The following NXPE3 variants were observed in gnomAD, a reference collection of about 807,000 sequenced individuals.
NXPE3 encodes neurexophilin and PC-esterase domain family member 3.
NXPE3 carries 26 observed loss-of-function variants against 46.1 expected under a neutral mutation model. The ratio of observed to expected loss-of-function variants is 0.56; its 90% CI spans 0.41 to 0.78. The LOEUF is 0.78. NXPE3 is among the 30% of genes least tolerant of loss of function. The pLI, the probability that NXPE3 is intolerant of heterozygous loss-of-function variation, is 0.00. For synonymous variants in NXPE3, 272 were observed against 257.9 expected, an observed-to-expected ratio of 1.05 and a Z score of -0.52; for missense variants, 620 against 686.0, an observed-to-expected ratio of 0.90 and a Z score of 1.07.
At chr3:101,793,756 C>T (rs1278768268) in intron 4 of NXPE3, among the ~76,000 whole-genome samples, 1 of 150,528 alleles carries the variant, frequency 6.6e-6, no homozygotes, top group African/African-American at 2.4e-5. Context: ...CAGTAGTTCT[C>T]TCCCCAGCCT....
At chr3:101,819,658 T>C (rs1225384557) in intron 7 of NXPE3, among the ~76,000 whole-genome samples, 2 of 152,190 alleles carry the variant, frequency 1.3e-5, no homozygotes, top group Admixed American at 1.3e-4. Context: ...ATAAGTATAT[T>C]TATGGGGTAC....
chr3:101,824,289 A>C lies in NXPE3; in HGVS notation c.*2335A>C, dbSNP rs901417083. 1.3e-5 allele frequency: 2 copies of C among 152,212 alleles called. No homozygotes were observed. The highest frequency in any genetic ancestry group is 2.9e-5 in the Non-Finnish European group (2 of 68,050). The allele number at this position is 152,212 out of a possible 1,614,324, so 9.4% of individuals were successfully genotyped here. On this transcript the variant is annotated 3_prime_UTR_variant, in exon 8 of 8. Transcript: ENST00000273347. ...GTTTATTATTTTGGGGGATTTACCA[A>C]TAACTGGTTTAATTCTGTTCATGAT...
At chr3:101,817,089 CAG>C in intron 7 of NXPE3, 88 bp downstream of exon 7, 2 of 1,131,354 alleles carry the variant, frequency 1.8e-6, no homozygotes, top group Non-Finnish European at 2.7e-6. Context: ...GAAAGGTTAT[CAG>C]GTGAGGAAAC....
intron 4 of NXPE3, among the ~76,000 whole-genome samples, chr3:101,791,012 A>G (rs139015590): frequency 4.6e-5 from 7 of 152,328 alleles, no homozygotes; most frequent in African/African-American, 1.7e-4. Context: ...ACAGGAAAGC[A>G]TATGTCAGTG....
At chr3:101,784,891 C>T (rs938227712) in intron 3 of NXPE3, among the ~76,000 whole-genome samples, 1 of 152,144 alleles carries the variant, frequency 6.6e-6, no homozygotes. Context: ...AAGAGTGTGT[C>T]GCGTCTCCTG....
intron 4 of NXPE3, among the ~76,000 whole-genome samples, chr3:101,795,596 G>A (rs1940785862): frequency 6.6e-6 from 1 of 151,224 alleles, no homozygotes; most frequent in Admixed American, 6.6e-5. Flanking sequence ...AGGGAGAATT[G>A]CAGTCTTTTA....
At position 101,783,487 on chromosome 3, in the gene NXPE3, C is replaced by T. The variant is rs1158790887; in HGVS notation, c.-196+707C>T. The stretch of plus-strand genomic sequence containing the variant: ...CACAGAGTCAGGTCTTTTCCTGGCA[C>T]AATCCTCCTAAATTATTGTCAGTAG... On this transcript the variant is annotated intron_variant, in intron 3 of 7. Coordinates refer to ENST00000273347, the MANE Select transcript of NXPE3 (RefSeq NM_145037.4). 3.9e-5 allele frequency among the ~76,000 whole-genome samples: 6 copies of T among 152,212 alleles called. No individual in the cohort carries two copies. The East Asian group carries it at 1.2e-3, about 29-fold the overall frequency.
At chr3:101,790,113 TA>T (rs1245433719) in intron 4 of NXPE3, among the ~76,000 whole-genome samples, 2 of 152,228 alleles carry the variant, frequency 1.3e-5, no homozygotes, top group Non-Finnish European at 2.9e-5. Context: ...TGAATTCTTT[TA>T]AAACATTATT....
rs1560057823 is a variant in NXPE3, at chr3:101,808,850, T to TACATAC, written c.922+1725_922+1726insCATACA. ...ATATATATATATATATATATATATA[T>TACATAC]ATATATGAGACATTTATCTTTTATC... On this transcript the variant is annotated intron_variant, in intron 6 of 7. Transcript: ENST00000273347. Among the ~76,000 whole-genome samples, 14 of 132,452 alleles carry TACATAC rather than the reference T, an allele frequency of 1.1e-4. 1 individual carries two copies. The highest frequency in any genetic ancestry group is 4.0e-4 in the African/African-American group (14 of 35,038). The allele number at this position is 132,452 out of a possible 152,430, so 86.9% of individuals were successfully genotyped here.
chr3:101,821,738 G>C lies in NXPE3; in HGVS notation c.1464G>C (p.Glu488Asp). The change falls in exon 8 of 8, where the codon GAG becomes GAC. Residue 488 changes from glutamate (E) to aspartate (D), a missense_variant. Transcript: ENST00000273347. ...TCATCCGGACGGCCAACGCCCAAGA[G>C]CTGGGACCTGAGGTGAGCCTTTTCA... The part of the protein sequence containing the change: ...VVVIRTANAQ[E>D]LGPEVSLFNS... 6.2e-7 allele frequency: 1 copy of C among 1,614,234 alleles called. No homozygotes were observed.
rs527749630 is a variant in NXPE3 at position 101,810,832 on chromosome 3, T to G, written c.922+3706T>G. ...ATGAACTTTTTTTGTTGTTTTTTTT[T>G]GTTTGTTTGTTTTTGAGACAGAGTC... On this transcript the variant is annotated intron_variant, in intron 6 of 7. Coordinates refer to ENST00000273347, the MANE Select transcript of NXPE3 (RefSeq NM_145037.4). Among the ~76,000 whole-genome samples, 16 of 152,138 alleles carry G rather than the reference T, an allele frequency of 1.1e-4. 1 individual carries two copies. In the East Asian group the frequency reaches 1.9e-3, roughly 18 times the overall value.
In NXPE3 at chr3:101,785,634, G is replaced by A; in HGVS notation, c.38G>A (p.Cys13Tyr). The part of the protein sequence containing the change: ...TNFFKLRLFC[C>Y]LLAVLMVVVL... ...TTCTTCAAACTACGGCTTTTCTGCT[G>A]TCTGCTTGCAGTGTTGATGGTGGTG... is the stretch of plus-strand genomic sequence containing the variant. The change falls in exon 4 of 8, where the codon TGT (cysteine) becomes TAT (tyrosine). Residue 13 changes from cysteine (C) to tyrosine (Y), a missense_variant. Around this residue, in one of 3 missense-constraint regions of NXPE3, gnomAD observed 511 missense variants for 528.6 expected, o/e 0.97. Coordinates refer to ENST00000273347, the MANE Select transcript of NXPE3 (RefSeq NM_145037.4). The A allele has an allele frequency of 6.2e-7, 1 of 1,614,080 alleles. No individual in the cohort carries two copies. Among genetic ancestry groups the A allele is most frequent in the Non-Finnish European group, 8.5e-7 (1 of 1,179,984 alleles).
chr3:101,812,347 C>A (rs1183224388), intron 6 of NXPE3, among the ~76,000 whole-genome samples: 2 of 152,062 alleles, frequency 1.3e-5, no homozygotes, highest in African/African-American at 4.8e-5. Context: ...TCAAAGGGCC[C>A]ATGTTCTGCA....
At chr3:101,794,284 A>G (rs750737013) in intron 4 of NXPE3, among the ~76,000 whole-genome samples, 1 of 152,108 alleles carries the variant, frequency 6.6e-6, no homozygotes, top group African/African-American at 2.4e-5. Context: ...ATAACCTTTT[A>G]TAGGACAAGG....
rs12631513 is a variant in NXPE3 at position 101,798,632 on chromosome 3, A to T, written c.94-2603A>T. On this transcript the variant is annotated intron_variant, in intron 4 of 7. Coordinates refer to ENST00000273347, the MANE Select transcript of NXPE3 (RefSeq NM_145037.4). ...TTTTTTTTTTCTTTTAAAGTTTTTG[A>T]GACAAAGTCTTGTTCTGTTGTCCAG... 3.1e-4 allele frequency among the ~76,000 whole-genome samples: 44 copies of T among 143,620 alleles called. No homozygotes were observed. In the East Asian group the frequency reaches 8.2e-3, roughly 27 times the overall value. The allele number at this position is 143,620 out of a possible 152,430, so 94.2% of individuals were successfully genotyped here. A position where few individuals can be genotyped will look rare whatever the true frequency, so the allele number is the denominator to read the frequency against.
intron 4 of NXPE3, among the ~76,000 whole-genome samples, chr3:101,786,620 G>C (rs949632198): frequency 6.6e-6 from 1 of 152,174 alleles, no homozygotes; most frequent in Admixed American, 6.5e-5. Context: ...AGGCATAAAA[G>C]CTAAGTATTT....
intron 6 of NXPE3, among the ~76,000 whole-genome samples, chr3:101,810,113 GT>G (rs894422425): frequency 1.3e-5 from 2 of 152,228 alleles, no homozygotes; most frequent in African/African-American, 4.8e-5. Flanking sequence ...AGGAAAAACA[GT>G]TTTTAGTTCT....
chr3:101,783,131 C>T (rs575971806), intron 3 of NXPE3, among the ~76,000 whole-genome samples: 202 of 152,134 alleles, frequency 1.3e-3, no homozygotes, highest in African/African-American at 4.6e-3. Flanking sequence ...GCGTGATCTC[C>T]GCTCACTGCA....
intron 6 of NXPE3, among the ~76,000 whole-genome samples, chr3:101,810,300 G>T (rs1035056285): frequency 3.3e-5 from 5 of 152,120 alleles, no homozygotes; most frequent in African/African-American, 1.2e-4. Flanking sequence ...ATATTTTTTG[G>T]GGGAACTTAC....
Sources: gnomAD v4.1 joint callset for allele counts (sites outside exome capture counted in the v4.1 genomes callset) on GRCh38, gnomAD v4.1.1 for gene constraint, gnomAD v4.1.1 regional missense constraint, MANE v1.5 for transcripts, NCBI Gene and HGNC (gene_info 2026-07-23, HGNC 2026-07-21) for gene names.